DMD: variants seen among roughly 807,000 people sequenced by gnomAD.
The protein encoded by DMD is mutant dystrophin.
In DMD, 63 loss-of-function variants were observed where a neutral mutation model predicts 330.1. That is an observed-to-expected ratio of 0.19 (90% CI 0.16 to 0.24). DMD has a LOEUF of 0.24. DMD is among the 10% of genes least tolerant of loss of function. The pLI is 1.00. For synonymous variants in DMD, 1,223 were observed against 959.8 expected, an observed-to-expected ratio of 1.27 and a Z score of -5.07; for missense variants, 3,344 against 2,684.1, an observed-to-expected ratio of 1.25 and a Z score of -5.43.
chrX:33,148,862 A>C (rs192424785), intron 1 of DMD, among the ~76,000 whole-genome samples: 9 of 111,348 alleles, frequency 8.1e-5, no homozygotes, highest in African/African-American at 2.9e-4. Flanking sequence ...TGGCGGATTA[A>C]AGATAGCTGC....
In DMD at chrX:32,644,152, A is replaced by G. The variant is rs398123855; in HGVS notation, c.1311T>C (p.Ala437=). 2.5e-6 allele frequency: 3 copies of G among 1,207,074 alleles called. No homozygotes were observed. In the African/African-American group the frequency reaches 5.3e-5, roughly 21 times the overall value. ...LNSRWECLRV[A]SMEKQSNLHR... ...CTTACTTGCTTTGTTTTTCCATGCT[A>G]GCTACCCTGAGGCATTCCCATCTTG... The change falls in exon 11 of 79, where the codon GCT becomes GCC. Residue 437 remains alanine, a synonymous_variant. Coordinates refer to ENST00000357033, the MANE Select transcript of DMD (RefSeq NM_004006.3).
At chrX:32,398,651 A>G (rs894399440) in intron 30 of DMD, among the ~76,000 whole-genome samples, 1 of 111,585 alleles carries the variant, frequency 9.0e-6, no homozygotes, top group African/African-American at 3.3e-5. Context: ...TGTTACGCTT[A>G]GTCATAATAA....
intron 52 of DMD, among the ~76,000 whole-genome samples, chrX:31,699,791 A>G (rs982431419): frequency 2.3e-4 from 26 of 112,039 alleles, no homozygotes; most frequent in African/African-American, 8.4e-4. Context: ...AGAAAGAAGT[A>G]AAGTGATACA....
At chrX:31,942,992 A>G (rs2095027146) in intron 45 of DMD, among the ~76,000 whole-genome samples, 1 of 112,314 alleles carries the variant, frequency 8.9e-6, no homozygotes, top group Admixed American at 9.4e-5. Context: ...AGGGAAAGCT[A>G]TACAGCAAGT....
chrX:31,854,720 G>T (rs775360526), intron 48 of DMD, among the ~76,000 whole-genome samples: 2 of 111,847 alleles, frequency 1.8e-5, no homozygotes, highest in Non-Finnish European at 3.8e-5. Flanking sequence ...TTTATTTGAT[G>T]AATCCTACGG....
At chrX:32,938,822 G>T (rs1036235191) in intron 2 of DMD, among the ~76,000 whole-genome samples, 3 of 110,988 alleles carry the variant, frequency 2.7e-5, no homozygotes, top group Admixed American at 9.7e-5. Context: ...GTGTTTAATT[G>T]TTTGATACTA....
At position 31,559,620 on chromosome X, in the gene DMD, G is replaced by A. The variant is rs1259064615; in HGVS notation, c.8218-52167C>T. 4.3e-5 allele frequency among the ~76,000 whole-genome samples: 2 copies of A among 46,430 alleles called. 1 individual carries two copies. Among genetic ancestry groups the A allele is most frequent in the African/African-American group, 2.6e-4 (2 of 7,555 alleles). 40.3% of individuals were successfully genotyped at this position (46,430 alleles called of 115,157 possible). ...CGCGCCACTGCACTCCAGCCTGGGC[G>A]ACAGAGCGAAACTCCGTCTCAAAAA... On this transcript the variant is annotated intron_variant, in intron 55 of 78. Coordinates refer to ENST00000357033, the MANE Select transcript of DMD (RefSeq NM_004006.3).
intron 43 of DMD, among the ~76,000 whole-genome samples, chrX:32,246,830 A>G (rs1878534454): frequency 1.8e-5 from 2 of 110,976 alleles, no homozygotes; most frequent in African/African-American, 6.6e-5. Flanking sequence ...TAACTCTACA[A>G]GTCAAACCTG....
intron 2 of DMD, among the ~76,000 whole-genome samples, chrX:33,011,016 C>T (rs1263989978): frequency 2.7e-5 from 3 of 111,315 alleles, no homozygotes; most frequent in African/African-American, 9.8e-5. Context: ...TTTGCTGCAT[C>T]GTTTTGGAGT....
chrX:32,987,899 A>C, intron 2 of DMD, among the ~76,000 whole-genome samples: 1 of 110,344 alleles, frequency 9.1e-6, no homozygotes, highest in Non-Finnish European at 1.9e-5. Context: ...CAGCCACACA[A>C]TAAAAAATGA....
At chrX:31,235,870 G>A (rs2047674312) in intron 63 of DMD, among the ~76,000 whole-genome samples, 1 of 112,104 alleles carries the variant, frequency 8.9e-6, no homozygotes, top group Non-Finnish European at 1.9e-5. Context: ...TATTTGCAAG[G>A]TGAATCCGCT....
At chrX:32,506,171 G>T (rs918625684) in intron 18 of DMD, among the ~76,000 whole-genome samples, 1 of 111,460 alleles carries the variant, frequency 9.0e-6, no homozygotes, top group African/African-American at 3.3e-5. Flanking sequence ...TATAAACTAT[G>T]AACTTTGGGA....
At chrX:32,454,853 A>G in intron 25 of DMD, 21 bp from the exon 26 acceptor site, 1 of 1,202,379 alleles carries the variant, frequency 8.3e-7, no homozygotes, top group Non-Finnish European at 1.1e-6. Flanking sequence ...ACAAACAAAC[A>G]AAACACGATT....
intron 50 of DMD, among the ~76,000 whole-genome samples, chrX:31,791,384 A>G (rs1167538881): frequency 1.8e-5 from 2 of 112,068 alleles, no homozygotes; most frequent in Non-Finnish European, 3.8e-5. Flanking sequence ...CACAGTCAGA[A>G]CTAGTGTGCT....
At chrX:32,796,253 A>G (rs1330242918) in intron 7 of DMD, among the ~76,000 whole-genome samples, 2 of 111,535 alleles carry the variant, frequency 1.8e-5, no homozygotes, top group Non-Finnish European at 3.8e-5. Context: ...GGATAAAGAA[A>G]ATGTGGTACA....
chrX:32,603,939 A>G (rs1225573280), intron 12 of DMD, among the ~76,000 whole-genome samples: 1 of 111,451 alleles, frequency 9.0e-6, no homozygotes, highest in Non-Finnish European at 1.9e-5. Context: ...AACTGGTACC[A>G]ATCCTATTGT....
chrX:32,278,032 T>C (rs764506855), intron 43 of DMD, among the ~76,000 whole-genome samples: 1 of 111,146 alleles, frequency 9.0e-6, no homozygotes, highest in South Asian at 3.8e-4. Flanking sequence ...AGTTGGTTTA[T>C]TGAAAAGGTA....
intron 19 of DMD, among the ~76,000 whole-genome samples, chrX:32,498,330 T>C (rs759766416): frequency 8.9e-6 from 1 of 112,007 alleles, no homozygotes; most frequent in Non-Finnish European, 1.9e-5. Context: ...ATTTTAATGT[T>C]AGTTCAAACA....
intron 63 of DMD, among the ~76,000 whole-genome samples, chrX:31,233,888 T>G (rs571525721): frequency 1.0e-3 from 111 of 111,525 alleles, no homozygotes; most frequent in South Asian, 6.8e-3. Flanking sequence ...GACTCTTTTT[T>G]TGTGTGTGTG....
Sources: allele counts gnomAD v4.1 joint callset (sites outside exome capture counted in the v4.1 genomes callset), GRCh38; gene constraint gnomAD v4.1.1; transcripts MANE v1.5; gene names NCBI Gene and HGNC (gene_info 2026-07-23, HGNC 2026-07-21).